The following EDAR variants were observed in gnomAD, a reference collection of about 807,000 sequenced individuals.
EDAR encodes the protein ectodysplasin A receptor, also known as tumor necrosis factor receptor superfamily member EDAR.
In EDAR, 38 loss-of-function variants were observed where a neutral mutation model predicts 51.3. The observed-to-expected ratio is 0.74, with a 90% CI of 0.57 to 0.97. EDAR has a LOEUF of 0.97. EDAR is among the 50% of genes least tolerant of loss of function. The probability of loss-of-function intolerance (pLI) is 0.00; values close to 1 mark genes in which losing one functional copy is unlikely to be tolerated. For synonymous variants in EDAR, 227 were observed against 242.1 expected, an observed-to-expected ratio of 0.94 and a Z score of 0.58; for missense variants, 528 against 595.0, an observed-to-expected ratio of 0.89 and a Z score of 1.17.
chr2:108,987,041 C>A (rs1452870727), intron 1 of EDAR, among the ~76,000 whole-genome samples: 1 of 152,142 alleles, frequency 6.6e-6, no homozygotes, highest in Non-Finnish European at 1.5e-5. Flanking sequence ...AGTCACTAGG[C>A]AGGCTAGGAG....
rs569670118 is a variant in EDAR at position 108,985,806 on chromosome 2, T to C, written c.-19+3154A>G. Among the ~76,000 whole-genome samples the C allele has an allele frequency of 3.9e-5, 6 of 152,360 alleles. No homozygotes were observed. In the South Asian group the frequency reaches 1.2e-3, roughly 32 times the overall value. On this transcript the variant is annotated intron_variant, in intron 1 of 11. Coordinates refer to ENST00000258443, the MANE Select transcript of EDAR (RefSeq NM_022336.4). ...GATGTTTGAGCAGCCCCCTTGTCCC[T>C]AACTGTGTCATTGGAACAATTGGTG...
intron 9 of EDAR, among the ~76,000 whole-genome samples, chr2:108,908,949 G>T (rs1341134327): frequency 6.6e-6 from 1 of 152,132 alleles, no homozygotes; most frequent in Non-Finnish European, 1.5e-5. Context: ...TCACAAGGAG[G>T]TGGTAGGACC....
intron 1 of EDAR, among the ~76,000 whole-genome samples, chr2:108,988,588 C>T (rs984121524): frequency 3.3e-5 from 5 of 152,086 alleles, no homozygotes; most frequent in African/African-American, 1.2e-4. Flanking sequence ...GTCCCTGCCG[C>T]GCCTGCCTTC....
At chr2:108,945,012 G>T (rs1697689295) in intron 1 of EDAR, among the ~76,000 whole-genome samples, 1 of 152,218 alleles carries the variant, frequency 6.6e-6, no homozygotes, top group African/African-American at 2.4e-5. Flanking sequence ...CCAGCCTGGT[G>T]ATTTGAAAAA....
At chr2:108,928,908 A>G (rs1490696559) in intron 4 of EDAR, among the ~76,000 whole-genome samples, 1 of 152,238 alleles carries the variant, frequency 6.6e-6, no homozygotes, top group Non-Finnish European at 1.5e-5. Context: ...GCGCTACTGC[A>G]CTGTAAGTAT....
At chr2:108,919,073 A>T (rs1362717782) in intron 5 of EDAR, among the ~76,000 whole-genome samples, 1 of 151,862 alleles carries the variant, frequency 6.6e-6, no homozygotes. Flanking sequence ...GTCCCTGGAG[A>T]TGTGTGTGCA....
At chr2:108,938,786 T>TCCCCCCCCCCCCCC (rs536455582) in intron 1 of EDAR, among the ~76,000 whole-genome samples, 1 of 130,686 alleles carries the variant, frequency 7.7e-6, no homozygotes, top group Non-Finnish European at 1.6e-5. Context: ...TAGGACTTCT[T>TCCCCCCCCCCCCCC]CCCCCCCCGC....
At chr2:108,938,595 G>GT (rs1697522763) in intron 1 of EDAR, among the ~76,000 whole-genome samples, 1 of 151,962 alleles carries the variant, frequency 6.6e-6, no homozygotes, top group African/African-American at 2.4e-5. Context: ...TTTCATTTCT[G>GT]TTTCATTGAA....
intron 1 of EDAR, among the ~76,000 whole-genome samples, chr2:108,948,934 A>G (rs1053837321): frequency 3.3e-5 from 5 of 152,194 alleles, no homozygotes; most frequent in Non-Finnish European, 7.3e-5. Context: ...TCTGGACAAG[A>G]CAGTGAGACC....
chr2:108,965,840 A>G (rs1698141451), intron 1 of EDAR, among the ~76,000 whole-genome samples: 2 of 151,944 alleles, frequency 1.3e-5, no homozygotes, highest in African/African-American at 2.4e-5. Context: ...CCCCTCCTGC[A>G]TCATGTACTC....
chr2:108,933,612 T>C (rs924043280), intron 1 of EDAR, among the ~76,000 whole-genome samples: 1 of 152,168 alleles, frequency 6.6e-6, no homozygotes, highest in Non-Finnish European at 1.5e-5. Flanking sequence ...AAAAACTGCC[T>C]TTTCCCACAC....
At chr2:108,962,734 T>C (rs1181293356) in intron 1 of EDAR, among the ~76,000 whole-genome samples, 1 of 148,590 alleles carries the variant, frequency 6.7e-6, no homozygotes, top group Non-Finnish European at 1.5e-5. Context: ...GGGCCTCCCA[T>C]GCCAAGGCCA....
intron 1 of EDAR, among the ~76,000 whole-genome samples, chr2:108,940,581 G>A (rs1451518857): frequency 6.6e-6 from 1 of 152,252 alleles, no homozygotes; most frequent in Non-Finnish European, 1.5e-5. Context: ...CAGGCTCTCT[G>A]CTCCTCCTCT....
intron 1 of EDAR, among the ~76,000 whole-genome samples, chr2:108,942,510 C>T (rs904811160): frequency 6.6e-6 from 1 of 152,264 alleles, no homozygotes; most frequent in Non-Finnish European, 1.5e-5. Flanking sequence ...AGGTGAACCA[C>T]GATGAACCAC....
intron 1 of EDAR, among the ~76,000 whole-genome samples, chr2:108,977,108 G>C (rs1403641933): frequency 6.6e-6 from 1 of 152,066 alleles, no homozygotes; most frequent in African/African-American, 2.4e-5. Context: ...AGGAGGCACT[G>C]ATGATTCCAG....
At chr2:108,981,294 C>T (rs928406374) in intron 1 of EDAR, among the ~76,000 whole-genome samples, 2 of 152,194 alleles carry the variant, frequency 1.3e-5, no homozygotes, top group African/African-American at 4.8e-5. Flanking sequence ...TTTCCAGAGC[C>T]GCACCCGCCC....
chr2:108,929,770 G>A (rs1453023003), intron 3 of EDAR, among the ~76,000 whole-genome samples: 1 of 152,182 alleles, frequency 6.6e-6, no homozygotes, highest in African/African-American at 2.4e-5. Flanking sequence ...GCCCAGAGGC[G>A]GAGGGAGATG....
At chr2:108,946,510 T>C (rs374863231) in intron 1 of EDAR, among the ~76,000 whole-genome samples, 13 of 152,350 alleles carry the variant, frequency 8.5e-5, no homozygotes, top group African/African-American at 3.1e-4. Context: ...AGTGGAATTA[T>C]ATTAGTCCAT....
Position 108,965,939 on chromosome 2 carries a change from G to A in EDAR, c.-19+23021C>T, listed in dbSNP as rs151085240. Among the ~76,000 whole-genome samples, 80 of 152,056 alleles carry A rather than the reference G, an allele frequency of 5.3e-4. 1 individual carries two copies. Among genetic ancestry groups the A allele is most frequent in the African/African-American group, 1.9e-3 (80 of 41,452 alleles). ...ACTGGAAAAACCAGGTACTATCAAC[G>A]TCAAATCAGTGCCAATTAAATTCGG... On this transcript the variant is annotated intron_variant, in intron 1 of 11. Transcript: ENST00000258443.
Sources: allele counts gnomAD v4.1 joint callset (sites outside exome capture counted in the v4.1 genomes callset), GRCh38; gene constraint gnomAD v4.1.1; transcripts MANE v1.5; gene names NCBI Gene and HGNC (gene_info 2026-07-23, HGNC 2026-07-21).